ADGRG3: variants seen among roughly 807,000 people sequenced by gnomAD.
ADGRG3 encodes G protein-coupled receptor 97.
ADGRG3 carries 39 observed loss-of-function variants against 54.3 expected under a neutral mutation model. The observed-to-expected ratio is 0.72, with a 90% CI of 0.56 to 0.94. The LOEUF is 0.94. Ranked by LOEUF, ADGRG3 falls within the 40% of genes least tolerant of loss-of-function variation. ADGRG3 has a pLI of 0.00. For synonymous variants in ADGRG3, 312 were observed against 290.0 expected (o/e 1.08, Z -0.77); for missense variants, 654 against 694.6 (o/e 0.94, Z 0.66).
chr16:57,673,056 T>G (rs2048190009), intron 1 of ADGRG3, among the ~76,000 whole-genome samples: 1 of 152,194 alleles, frequency 6.6e-6, no homozygotes, highest in Admixed American at 6.5e-5. Flanking sequence ...TGAAACCTTT[T>G]ATTTACAGAG....
chr16:57,677,528 G>C (rs1310014965), intron 3 of ADGRG3, among the ~76,000 whole-genome samples: 1 of 152,224 alleles, frequency 6.6e-6, no homozygotes, highest in Non-Finnish European at 1.5e-5. Flanking sequence ...GTTGCACTGA[G>C]CTGAGATAGC....
chr16:57,680,508 C>T lies in ADGRG3; in HGVS notation c.772C>T (p.Pro258Ser), dbSNP rs2148707847. 6.2e-7 allele frequency: 1 copy of T among 1,613,122 alleles called. No individual in the cohort carries two copies. Among genetic ancestry groups the T allele is most frequent in the East Asian group, 2.2e-5 (1 of 44,786 alleles). ...HLTFFALLLR[P>S]TLDQSTVHIL... ...CCGGTTCTGGGGTCACCCACAGAGA[C>T]CCACCTTGGACCAGTCCACGGTGCA... Residue 258 changes from proline to serine, a missense_variant, in exon 8 of 12, where the codon CCC (proline) becomes TCC (serine). Transcript: ENST00000333493.
rs1164907428 is a variant in ADGRG3 at position 57,678,299 on chromosome 16, C to T, written c.475C>T (p.Pro159Ser). 1 of 1,614,012 alleles carries T rather than the reference C, an allele frequency of 6.2e-7. No individual in the cohort carries two copies. ...RLAVTILDIG[P>S]GTLFKGPRLG... is the part of the protein sequence containing the mutation. Reference sequence around the variant, plus strand: ...GGCCGTCACCATTCTGGACATTGGTCCAGGGACTCTCTTCAAGGTGAGGAC... The same window carrying T: ...GGCCGTCACCATTCTGGACATTGGTTCAGGGACTCTCTTCAAGGTGAGGAC... Residue 159 changes from proline to serine, a missense_variant, in exon 4 of 12, where the codon CCA becomes TCA. Transcript: ENST00000333493.
Position 57,680,292 on chromosome 16 carries a change from G to A in ADGRG3, c.695G>A (p.Gly232Asp). ...KGTTGDWSSE[G>D]CSTEVRPEGT... The stretch of plus-strand genomic sequence containing the variant: ...ACCACTGGAGACTGGTCTTCTGAGG[G>A]CTGCTCCACGGAGGTCAGACCTGAG... The change falls in exon 7 of 12, where the codon GGC becomes GAC. Residue 232 changes from glycine (G) to aspartate (D), a missense_variant. By Grantham distance (94) the Gly-to-Asp change is moderately conservative. Transcript: ENST00000333493. The A allele has an allele frequency of 6.2e-7, 1 of 1,610,202 alleles. No homozygotes were observed. Among genetic ancestry groups the A allele is most frequent in the Non-Finnish European group, 8.5e-7 (1 of 1,178,866 alleles).
chr16:57,670,383 G>A (rs1421082425), intron 1 of ADGRG3, among the ~76,000 whole-genome samples: 2 of 152,116 alleles, frequency 1.3e-5, no homozygotes, highest in Admixed American at 6.5e-5. Flanking sequence ...TGAAATTCAT[G>A]GCAATCCGGG....
chr16:57,670,768 T>C (rs1429627680), intron 1 of ADGRG3, among the ~76,000 whole-genome samples: 1 of 152,236 alleles, frequency 6.6e-6, no homozygotes, highest in African/African-American at 2.4e-5. Flanking sequence ...AAATGTTATT[T>C]TTTTACCCTG....
intron 6 of ADGRG3, 54 bp downstream of exon 6, chr16:57,679,909 G>C: frequency 7.1e-7 from 1 of 1,411,410 alleles, no homozygotes; most frequent in Non-Finnish European, 1.0e-6. Context: ...GGTATGGGCT[G>C]CATTGTGGGG....
intron 11 of ADGRG3, among the ~76,000 whole-genome samples, chr16:57,687,424 G>A (rs1471308166): frequency 6.6e-6 from 1 of 152,050 alleles, no homozygotes; most frequent in Non-Finnish European, 1.5e-5. Flanking sequence ...GCTAATTTTT[G>A]AATTTTTAGT....
At chr16:57,687,370 GC>G (rs1335090367) in intron 11 of ADGRG3, among the ~76,000 whole-genome samples, 6 of 152,070 alleles carry the variant, frequency 3.9e-5, no homozygotes, top group Admixed American at 1.3e-4. Context: ...TCTGGTTTCA[GC>G]CTCCTGAGTA....
rs183171808 is a variant in ADGRG3, at chr16:57,681,187, G to A, written c.881+570G>A. ...AGATGCAAAAATAGTGCAGAGTCCTGTGGTTCGTTCTCCCAGATTCCCCCT... is the reference window on the plus strand; with the variant it reads ...AGATGCAAAAATAGTGCAGAGTCCTATGGTTCGTTCTCCCAGATTCCCCCT... On this transcript the variant is annotated intron_variant, in intron 8 of 11. Coordinates refer to ENST00000333493, the MANE Select transcript of ADGRG3 (RefSeq NM_170776.5). 936 of 158,638 alleles carry A rather than the reference G, an allele frequency of 5.9e-3. 9 individuals carry two copies. Among genetic ancestry groups the A allele is most frequent in the Admixed American group, 8.8e-3 (147 of 16,758 alleles). 9.8% of individuals were successfully genotyped at this position (158,638 alleles called of 1,614,324 possible). A position where few individuals can be genotyped will look rare whatever the true frequency, so the allele number is the denominator to read the frequency against.
intron 10 of ADGRG3, among the ~76,000 whole-genome samples, chr16:57,685,258 T>C (rs1217821184): frequency 6.6e-6 from 1 of 152,210 alleles, no homozygotes; most frequent in Admixed American, 6.5e-5. Context: ...TGCAGCGGAC[T>C]GGCAGTCACA....
rs372084138 is a variant in ADGRG3, at chr16:57,679,804, C to A, written c.628-12C>A. The A allele has an allele frequency of 1.2e-6, 2 of 1,611,568 alleles. No homozygotes were observed. The stretch of plus-strand genomic sequence containing the variant: ...CTTTTCCTCTCTCCTGACTTCCACT[C>A]TTCGGTTTCAGAACATGACCCTCAC... On this transcript the variant is annotated splice_polypyrimidine_tract_variant and intron_variant, in intron 5 of 11. Transcript: ENST00000333493.
At chr16:57,686,272 G>A (rs1460302589) in intron 11 of ADGRG3, among the ~76,000 whole-genome samples, 3 of 152,158 alleles carry the variant, frequency 2.0e-5, no homozygotes, top group Admixed American at 1.3e-4. Flanking sequence ...GAAGATAAAG[G>A]GGAGCCAGCG....
chr16:57,672,511 A>T (rs2048181207), intron 1 of ADGRG3, among the ~76,000 whole-genome samples: 1 of 152,214 alleles, frequency 6.6e-6, no homozygotes, highest in African/African-American at 2.4e-5. Flanking sequence ...TATGTCCTTT[A>T]TCTCTAATCC....
intron 1 of ADGRG3, among the ~76,000 whole-genome samples, chr16:57,669,439 AG>A (rs2048112705): frequency 6.6e-6 from 1 of 152,130 alleles, no homozygotes; most frequent in Non-Finnish European, 1.5e-5. Flanking sequence ...AGCCCTTGAT[AG>A]ATGAATGAAC....
intron 4 of ADGRG3, chr16:57,678,575 T>G (rs900141859): frequency 2.8e-5 from 15 of 538,792 alleles, no homozygotes; most frequent in East Asian, 9.3e-5. Context: ...ATGTGTCCTG[T>G]GGGTGCTCGT....
chr16:57,681,931 A>G (rs1244960005), intron 8 of ADGRG3, among the ~76,000 whole-genome samples: 1 of 152,170 alleles, frequency 6.6e-6, no homozygotes, highest in African/African-American at 2.4e-5. Context: ...ATGCAGTTTT[A>G]TCCCGTGTAT....
At chr16:57,678,394 C>T in intron 4 of ADGRG3, 78 bp downstream of exon 4, 3 of 1,446,240 alleles carry the variant, frequency 2.1e-6, no homozygotes, top group Admixed American at 1.7e-5. Context: ...GTCACTGGAG[C>T]CTGCCGAGGG....
chr16:57,684,185 T>G lies in ADGRG3; in HGVS notation c.1135T>G (p.Phe379Val), dbSNP rs200231166. ...RVFNTYFGHY[F>V]LKLSLVGWGL... is the part of the protein sequence containing the mutation. Reference sequence around the variant, plus strand: ...CTTCAACACCTACTTCGGGCACTACTTCCTGAAGCTGAGCCTGGTGGGCTG... The same window carrying G: ...CTTCAACACCTACTTCGGGCACTACGTCCTGAAGCTGAGCCTGGTGGGCTG... The change falls in exon 9 of 12, where the codon TTC (phenylalanine) becomes GTC (valine). Residue 379 changes from phenylalanine (F) to valine (V), a missense_variant. By Grantham distance (50) the Phe-to-Val change is conservative (BLOSUM62 -1). Coordinates refer to ENST00000333493, the MANE Select transcript of ADGRG3 (RefSeq NM_170776.5). The G allele has an allele frequency of 1.3e-5, 21 of 1,613,660 alleles. No individual in the cohort carries two copies. The Admixed American group carries it at 2.3e-4, about 18-fold the overall frequency.
Sources: gnomAD v4.1 joint callset for allele counts (sites outside exome capture counted in the v4.1 genomes callset) on GRCh38, gnomAD v4.1.1 for gene constraint, MANE v1.5 for transcripts, NCBI Gene and HGNC (gene_info 2026-07-23, HGNC 2026-07-21) for gene names.